The following SREBF1 variants were observed in gnomAD, a reference collection of about 807,000 sequenced individuals.
The protein encoded by SREBF1 is sterol regulatory element binding transcription factor 1, also known as sterol regulatory element-binding protein 1.
Under a neutral mutation model 100.1 loss-of-function variants are expected in SREBF1, and 45 were observed. That is an observed-to-expected ratio of 0.45 (90% CI 0.35 to 0.58). The LOEUF is 0.58. Among genes scored for constraint, SREBF1 ranks in the 20% least tolerant of loss-of-function variants. The probability of loss-of-function intolerance (pLI) is 0.00; values close to 1 mark genes in which losing one functional copy is unlikely to be tolerated. For synonymous variants in SREBF1, 657 were observed against 681.8 expected, an observed-to-expected ratio of 0.96 and a Z score of 0.57; for missense variants, 1,324 against 1,539.4, an observed-to-expected ratio of 0.86 and a Z score of 2.34.
rs1302276135 is a variant in SREBF1 at position 17,817,882 on chromosome 17, A to G, written c.1218T>C (p.Ser406=). The change falls in exon 7 of 19, where the codon AGT becomes AGC. Residue 406 remains serine, a synonymous_variant. Coordinates refer to ENST00000261646, the MANE Select transcript of SREBF1 (RefSeq NM_004176.5). The surrounding 1 kb of genome is among the most constrained non-coding windows in gnomAD (Gnocchi z 6.6). ...SLKDLVSACG[S]GGNTDVLMEG... ...CCATGAGCACGTCTGTGTTCCCTCC[A>G]CTGCCACAGGCCGACACCAGATCCT... 2.5e-6 allele frequency: 4 copies of G among 1,603,058 alleles called. No homozygotes were observed. The highest frequency in any genetic ancestry group is 8.5e-7 in the Non-Finnish European group (1 of 1,179,926).
intron 1 of SREBF1, among the ~76,000 whole-genome samples, chr17:17,828,939 A>G (rs1042534249): frequency 6.6e-6 from 1 of 152,060 alleles, no homozygotes; most frequent in African/African-American, 2.4e-5. Flanking sequence ...TCACGCCTGT[A>G]ATCCCAACAC....
intron 1 of SREBF1, among the ~76,000 whole-genome samples, chr17:17,825,517 G>A (rs1403414712): frequency 6.6e-6 from 1 of 152,048 alleles, no homozygotes; most frequent in Non-Finnish European, 1.5e-5. Flanking sequence ...GGGCCTGGGT[G>A]CCACTGGCCA....
intron 1 of SREBF1, among the ~76,000 whole-genome samples, chr17:17,822,332 C>G (rs972732551): frequency 6.6e-6 from 1 of 152,298 alleles, no homozygotes; most frequent in Admixed American, 6.5e-5. Context: ...ACATGGCCAA[C>G]CAGTGTGTCT....
At chr17:17,812,933 C>G in intron 18 of SREBF1, 82 bp from the exon 19 acceptor site, 1 of 1,300,168 alleles carries the variant, frequency 7.7e-7, no homozygotes, top group Non-Finnish European at 1.0e-6. Context: ...CAAGCCACGG[C>G]ACCAGCCGCC....
rs765462041 is a variant in SREBF1 at position 17,819,589 on chromosome 17, G to C, written c.660C>G (p.Pro220=). The change falls in exon 3 of 19, where the codon CCC becomes CCG. Residue 220 remains proline, a synonymous_variant. Coordinates refer to ENST00000261646, the MANE Select transcript of SREBF1 (RefSeq NM_004176.5). ...CAGTGGTCGTTACAGGGGCTGCCGT[G>C]GGGGCAGCTGTGACTGTCAGTAGCT... ...PQQLLTVTAA[P]TAAPVTTTVT... The C allele has an allele frequency of 6.2e-7, 1 of 1,613,750 alleles. No homozygotes were observed. The highest frequency in any genetic ancestry group is 8.5e-7 in the Non-Finnish European group (1 of 1,179,964).
At chr17:17,818,148 A>C (rs1336066793) in intron 6 of SREBF1, 112 bp downstream of exon 6, 2 of 620,262 alleles carry the variant, frequency 3.2e-6, no homozygotes, top group Non-Finnish European at 2.5e-6. Context: ...TGGGCAGGGC[A>C]GAGGGTGGGC....
At position 17,829,203 on chromosome 17, in the gene SREBF1, AAAATATAT is replaced by A. The variant is rs1160586251; in HGVS notation, c.91+7516_91+7523del. ...CGAGACTCCATCTTAAAAAAAAAAA[AAAATATAT>A]ATATATATATATATATATATATATG... is the stretch of plus-strand genomic sequence containing the variant. On this transcript the variant is annotated intron_variant, in intron 1 of 18. Transcript: ENST00000261646. Among the ~76,000 whole-genome samples the A allele has an allele frequency of 4.4e-4, 16 of 36,120 alleles. No homozygotes were observed. The South Asian group carries it at 7.2e-3, about 16-fold the overall frequency. 23.7% of individuals were successfully genotyped at this position (36,120 alleles called of 152,430 possible).
chr17:17,827,962 C>G (rs938570651), intron 1 of SREBF1, among the ~76,000 whole-genome samples: 2 of 152,276 alleles, frequency 1.3e-5, no homozygotes, highest in Middle Eastern at 3.4e-3. Context: ...CTAACCACCA[C>G]CCCCCCAGAC....
Position 17,813,381 on chromosome 17 carries a change from G to A in SREBF1, c.3201C>T (p.Pro1067=), listed in dbSNP as rs550847379. The part of the protein sequence containing the change: ...LDRSLRRRAG[P]GGKGGAVAEL... ...CTGCCCCCTCACCTCCTTTGCCACC[G>A]GGGCCTGCCCGCCGCCTCAGACTGC... is the stretch of plus-strand genomic sequence containing the variant. The change falls in exon 18 of 19, where the codon CCC becomes CCT. Residue 1067 remains proline, a synonymous_variant. Coordinates refer to ENST00000261646, the MANE Select transcript of SREBF1 (RefSeq NM_004176.5). 7.8e-5 allele frequency: 125 copies of A among 1,597,748 alleles called. No individual in the cohort carries two copies. Among genetic ancestry groups the A allele is most frequent in the South Asian group, 4.2e-4 (37 of 88,896 alleles).
In SREBF1 at chr17:17,816,048, G is replaced by T. The variant is rs199794521; in HGVS notation, c.2215-20C>A. 6.2e-7 allele frequency: 1 copy of T among 1,609,358 alleles called. No individual in the cohort carries two copies. The highest frequency in any genetic ancestry group is 1.7e-5 in the Admixed American group (1 of 59,872). The stretch of plus-strand genomic sequence containing the variant: ...GAAGCGCTGTAGGGGAGGGTACTGG[G>T]CTGTCACAGTGGACACAGCCTGGGG... On this transcript the variant is annotated intron_variant, in intron 11 of 18. Coordinates refer to ENST00000261646, the MANE Select transcript of SREBF1 (RefSeq NM_004176.5).
At position 17,836,895 on chromosome 17, in the gene SREBF1, C is replaced by A. The variant is rs965801217; in HGVS notation, c.-78G>T. The A allele has an allele frequency of 2.2e-6, 3 of 1,342,130 alleles. No individual in the cohort carries two copies. The highest frequency in any genetic ancestry group is 6.3e-5 in the Admixed American group (2 of 31,880). 83.1% of individuals were successfully genotyped at this position (1,342,130 alleles called of 1,614,324 possible). A position where few individuals can be genotyped will look rare whatever the true frequency, so the allele number is the denominator to read the frequency against. The stretch of plus-strand genomic sequence containing the variant: ...CTTCCTAGGGAGCGCCGCCGCGGCC[C>A]CGGCTCTCAGTCGCCGCCGCCGCTC... On this transcript the variant is annotated 5_prime_UTR_variant, in exon 1 of 19. Coordinates refer to ENST00000261646, the MANE Select transcript of SREBF1 (RefSeq NM_004176.5).
In SREBF1 at chr17:17,816,308, A is replaced by T; in HGVS notation, c.2113T>A (p.Cys705Ser). ...GCCACAGACACGGCATCCCCTGCAC[A>T]CTCTGCCAGGTTCAGGGCACTCAGC... ...LALSALNLAE[C>S]AGDAVSVATL... The change falls in exon 11 of 19, where the codon TGT (cysteine) becomes AGT (serine). Residue 705 changes from cysteine (C) to serine (S), a missense_variant. Cys to Ser is a moderately radical substitution (Grantham distance 112). Coordinates refer to ENST00000261646, the MANE Select transcript of SREBF1 (RefSeq NM_004176.5). The T allele has an allele frequency of 6.4e-7, 1 of 1,572,626 alleles. No individual in the cohort carries two copies. Among genetic ancestry groups the T allele is most frequent in the Non-Finnish European group, 8.6e-7 (1 of 1,164,610 alleles).
rs1189661005 is a variant in SREBF1, at chr17:17,812,465, G to A, written c.*157C>T. 2.6e-6 allele frequency: 2 copies of A among 764,860 alleles called. No homozygotes were observed. The highest frequency in any genetic ancestry group is 1.8e-5 in the African/African-American group (1 of 56,398). The allele number at this position is 764,860 out of a possible 1,614,324, so 47.4% of individuals were successfully genotyped here. A position where few individuals can be genotyped will look rare whatever the true frequency, so the allele number is the denominator to read the frequency against. On this transcript the variant is annotated 3_prime_UTR_variant, in exon 19 of 19. Coordinates refer to ENST00000261646, the MANE Select transcript of SREBF1 (RefSeq NM_004176.5). ...CTTAGGGTCAAGATCGCGCCCCTCG[G>A]GCCTTCCACCGCGAAGGCACACAGC...
intron 5 of SREBF1, 81 bp from the exon 6 acceptor site, chr17:17,818,455 G>A: frequency 1.0e-6 from 1 of 1,000,232 alleles, no homozygotes; most frequent in South Asian, 1.3e-5. Context: ...CCTAGCAAGG[G>A]GGTGCGGAGC....
intron 1 of SREBF1, among the ~76,000 whole-genome samples, chr17:17,835,835 C>A (rs1213515869): frequency 6.6e-6 from 1 of 152,240 alleles, no homozygotes; most frequent in Non-Finnish European, 1.5e-5. Flanking sequence ...TTTCCCTGGC[C>A]GACCAAGTCG....
intron 1 of SREBF1, among the ~76,000 whole-genome samples, chr17:17,836,098 G>T (rs1258131401): frequency 1.3e-5 from 2 of 152,256 alleles, no homozygotes; most frequent in Non-Finnish European, 2.9e-5. Flanking sequence ...TTTCCCGGGA[G>T]ATTTTTGTGT....
intron 13 of SREBF1, 30 bp from the exon 14 acceptor site, chr17:17,814,974 C>T (rs748755763): frequency 6.5e-7 from 1 of 1,546,690 alleles, no homozygotes; most frequent in Non-Finnish European, 8.8e-7. Flanking sequence ...GCTGTCGGAA[C>T]AGATGGCAGG....
At chr17:17,833,450 A>AAAATAT (rs1567995797) in intron 1 of SREBF1, among the ~76,000 whole-genome samples, 5 of 47,526 alleles carry the variant, frequency 1.1e-4, no homozygotes, top group African/African-American at 2.8e-4. Context: ...AAAAAAAAAA[A>AAAATAT]ATATATATAT....
rs2032948344 is a variant in SREBF1 at position 17,812,233 on chromosome 17, G to A, written c.*389C>T. On this transcript the variant is annotated 3_prime_UTR_variant, in exon 19 of 19. Coordinates refer to ENST00000261646, the MANE Select transcript of SREBF1 (RefSeq NM_004176.5). ...TCTCTCTCCCACGACGGAGAGAGAG[G>A]CCTCTGGGGCAGAGCCCTGCTTGCA... 1 of 401,722 alleles carries A rather than the reference G, an allele frequency of 2.5e-6. No homozygotes were observed. The highest frequency in any genetic ancestry group is 4.6e-6 in the Non-Finnish European group (1 of 219,466). 24.9% of individuals were successfully genotyped at this position (401,722 alleles called of 1,614,324 possible).
Sources: gnomAD v4.1 joint callset for allele counts (sites outside exome capture counted in the v4.1 genomes callset) on GRCh38, gnomAD v4.1.1 for gene constraint, Gnocchi (gnomAD v3.1) non-coding constraint, MANE v1.5 for transcripts, NCBI Gene and HGNC (gene_info 2026-07-23, HGNC 2026-07-21) for gene names.